TNKS: variants seen among roughly 807,000 people sequenced by gnomAD.
The protein encoded by TNKS is poly [ADP-ribose] polymerase tankyrase-1.
A neutral mutation model predicts 135.8 loss-of-function variants in TNKS; 72 were observed. The ratio of observed to expected loss-of-function variants is 0.53; its 90% CI spans 0.44 to 0.64. TNKS has a LOEUF of 0.64. Among genes scored for constraint, TNKS ranks in the 30% least tolerant of loss-of-function variants. The pLI is 0.00. For missense variants in TNKS, 1,769 were observed against 1,674.0 expected (o/e 1.06, Z -0.99); for synonymous variants, 849 against 649.3 (o/e 1.31, Z -4.68).
chr8:9,556,346 C>T lies in TNKS; in HGVS notation c.407C>T (p.Thr136Ile), dbSNP rs772167988. The T allele has an allele frequency of 2.5e-6, 4 of 1,614,148 alleles. No individual in the cohort carries two copies. The highest frequency in any genetic ancestry group is 1.7e-5 in the Admixed American group (1 of 60,010). ...NNSPSSSSSP[T>I]SSSSSSPSSP... ...TCACCGTCGTCCTCTTCTTCCCCGA[C>T]TTCTTCCTCATCTTCCTCTCCATCC... Residue 136 changes from threonine to isoleucine, a missense_variant, in exon 1 of 27, where the codon ACT (threonine) becomes ATT (isoleucine). Physicochemically the swap from Thr to Ile is moderately conservative, Grantham distance 89. Coordinates refer to ENST00000310430, the MANE Select transcript of TNKS (RefSeq NM_003747.3).
At chr8:9,677,499 A>G (rs542347636) in intron 3 of TNKS, among the ~76,000 whole-genome samples, 1 of 152,262 alleles carries the variant, frequency 6.6e-6, no homozygotes, top group Non-Finnish European at 1.5e-5. Context: ...TTAAATTTCA[A>G]TAGTAGCTAC....
Position 9,708,442 on chromosome 8 carries a change from G to A in TNKS, c.1528G>A (p.Ala510Thr), listed in dbSNP as rs998790285. The change falls in exon 9 of 27, where the codon GCT becomes ACT. Residue 510 changes from alanine (A) to threonine (T), a missense_variant. Transcript: ENST00000310430. The stretch of plus-strand genomic sequence containing the variant: ...CTTAGCTAAAGTTAAAAAAACACTC[G>A]CTCTGGAAATCATTAATTTCAAACA... ...ADLAKVKKTL[A>T]LEIINFKQPQ... 7.5e-6 allele frequency: 12 copies of A among 1,608,814 alleles called. No homozygotes were observed. Among genetic ancestry groups the A allele is most frequent in the African/African-American group, 2.7e-5 (2 of 74,750 alleles).
In TNKS at chr8:9,769,690, G is replaced by C. The variant is rs1277198811; in HGVS notation, c.3741-416G>C. On this transcript the variant is annotated intron_variant, in intron 25 of 26. Coordinates refer to ENST00000310430, the MANE Select transcript of TNKS (RefSeq NM_003747.3). ...CCTGGAGTGCAGTGGCGCGATCTCG[G>C]CTCACTGCAAGCTCCACCTCCCGTG... is the stretch of plus-strand genomic sequence containing the variant. Among the ~76,000 whole-genome samples the C allele has an allele frequency of 2.1e-5, 3 of 144,232 alleles. No homozygotes were observed. The Admixed American group carries it at 2.2e-4, about 10-fold the overall frequency. The allele number at this position is 144,232 out of a possible 152,430, so 94.6% of individuals were successfully genotyped here.
chr8:9,745,276 A>G (rs1806177929), intron 17 of TNKS, among the ~76,000 whole-genome samples: 1 of 152,248 alleles, frequency 6.6e-6, no homozygotes, highest in Admixed American at 6.5e-5. Flanking sequence ...AGAAAATTTA[A>G]AAATAATTAA....
intron 2 of TNKS, among the ~76,000 whole-genome samples, chr8:9,588,378 C>G (rs1798466875): frequency 6.6e-6 from 1 of 152,090 alleles, no homozygotes; most frequent in African/African-American, 2.4e-5. Context: ...AGGTTCACGC[C>G]ATGCTCTTGC....
chr8:9,650,090 C>T (rs1046811558), intron 3 of TNKS, among the ~76,000 whole-genome samples: 1 of 151,826 alleles, frequency 6.6e-6, no homozygotes, highest in African/African-American at 2.4e-5. Flanking sequence ...CAGGGTTTCA[C>T]CATGTTGCCC....
intron 26 of TNKS, among the ~76,000 whole-genome samples, chr8:9,776,063 A>G (rs1216798887): frequency 6.6e-6 from 1 of 151,930 alleles, no homozygotes; most frequent in Non-Finnish European, 1.5e-5. Context: ...CTGCAAGAAA[A>G]AAGAGAAAGA....
In TNKS at chr8:9,717,103, T is replaced by TATATATATATATTTA. The variant is rs1554476739; in HGVS notation, c.1750-3271_1750-3270insATATATATATATTTA. On this transcript the variant is annotated intron_variant, in intron 11 of 26. Transcript: ENST00000310430. The stretch of plus-strand genomic sequence containing the variant: ...TATATATATATATATATATATATAT[T>TATATATATATATTTA]TTCAGGGAATTTGATTGTTTCTTTT... Among the ~76,000 whole-genome samples the TATATATATATATTTA allele has an allele frequency of 3.4e-3, 132 of 39,272 alleles. 1 individual carries two copies. The highest frequency in any genetic ancestry group is 7.6e-3 in the South Asian group (9 of 1,190). 25.8% of individuals were successfully genotyped at this position (39,272 alleles called of 152,430 possible).
intron 2 of TNKS, among the ~76,000 whole-genome samples, chr8:9,587,892 C>G (rs1342347880): frequency 4.6e-5 from 7 of 152,128 alleles, no homozygotes; most frequent in Non-Finnish European, 1.0e-4. Context: ...TTGAGCATCT[C>G]CTGAAAAGAG....
At chr8:9,604,151 A>G (rs1585220024) in intron 2 of TNKS, among the ~76,000 whole-genome samples, 1 of 152,148 alleles carries the variant, frequency 6.6e-6, no homozygotes, top group Admixed American at 6.5e-5. Flanking sequence ...AGGATACTAT[A>G]TATGCATTAT....
At chr8:9,701,681 A>T (rs181937082) in intron 5 of TNKS, among the ~76,000 whole-genome samples, 17 of 152,204 alleles carry the variant, frequency 1.1e-4, no homozygotes, top group Non-Finnish European at 1.9e-4. Context: ...AGAGAGGGTA[A>T]CAACTCCAAC....
chr8:9,562,904 G>A (rs963141144), intron 1 of TNKS, among the ~76,000 whole-genome samples: 10 of 149,028 alleles, frequency 6.7e-5, no homozygotes, highest in Non-Finnish European at 1.3e-4. Flanking sequence ...CTTGGTGTTC[G>A]TTTCTCTAGA....
In TNKS at chr8:9,699,810, A is replaced by C. The variant is rs182965341; in HGVS notation, c.1108-4853A>C. Among the ~76,000 whole-genome samples the C allele has an allele frequency of 1.2e-3, 188 of 152,224 alleles. 1 individual carries two copies. The highest frequency in any genetic ancestry group is 2.7e-3 in the Admixed American group (42 of 15,282). ...AGCTTTATTCTCCACTTAGTAACTA[A>C]AGTGATCTTTCCAAGACTCTAATCT... On this transcript the variant is annotated intron_variant, in intron 5 of 26. Transcript: ENST00000310430.
chr8:9,595,407 C>T (rs541856007), intron 2 of TNKS, among the ~76,000 whole-genome samples: 98 of 152,118 alleles, frequency 6.4e-4, no homozygotes, highest in African/African-American at 2.1e-3. Context: ...AAATAATCTC[C>T]GCTGACACTG....
chr8:9,726,860 C>T, intron 13 of TNKS, 140 bp downstream of exon 13: 1 of 677,634 alleles, frequency 1.5e-6, no homozygotes, highest in Non-Finnish European at 2.5e-6. Context: ...ATCTGTACTA[C>T]TATTAAGGAA....
intron 3 of TNKS, among the ~76,000 whole-genome samples, chr8:9,624,980 A>G (rs530538856): frequency 8.5e-5 from 13 of 152,268 alleles, no homozygotes; most frequent in African/African-American, 3.1e-4. Context: ...GAATCCATAA[A>G]TGCAGAACCC....
In TNKS at chr8:9,730,977, G is replaced by T; in HGVS notation, c.2089G>T (p.Val697Leu). The change falls in exon 14 of 27, where the codon GTG becomes TTG. Residue 697 changes from valine (V) to leucine (L), a missense_variant. By Grantham distance (32) the Val-to-Leu change is conservative (BLOSUM62 1). Coordinates refer to ENST00000310430, the MANE Select transcript of TNKS (RefSeq NM_003747.3). Reference sequence around the variant, plus strand: ...ACACTTCGCAGCAGGCTACAACCGCGTGTCTGTTGTAGAGTACCTGCTACA... The same window carrying T: ...ACACTTCGCAGCAGGCTACAACCGCTTGTCTGTTGTAGAGTACCTGCTACA... Reference protein sequence around the residue: ...PLHFAAGYNRVSVVEYLLHHG... With the variant: ...PLHFAAGYNRLSVVEYLLHHG... 1.2e-6 allele frequency: 2 copies of T among 1,614,016 alleles called. No individual in the cohort carries two copies. Among genetic ancestry groups the T allele is most frequent in the South Asian group, 1.1e-5 (1 of 91,046 alleles).
At chr8:9,592,543 C>T (rs1236061637) in intron 2 of TNKS, among the ~76,000 whole-genome samples, 1 of 152,096 alleles carries the variant, frequency 6.6e-6, no homozygotes, top group Non-Finnish European at 1.5e-5. Flanking sequence ...CTAACACAGC[C>T]ACAGGATGAG....
At chr8:9,596,627 A>T (rs60163152) in intron 2 of TNKS, among the ~76,000 whole-genome samples, 1 of 152,294 alleles carries the variant, frequency 6.6e-6, no homozygotes, top group African/African-American at 2.4e-5. Context: ...AAGACTTACC[A>T]AGCATTCCCA....
Sources: allele counts gnomAD v4.1 joint callset (sites outside exome capture counted in the v4.1 genomes callset), GRCh38; gene constraint gnomAD v4.1.1; transcripts MANE v1.5; gene names NCBI Gene and HGNC (gene_info 2026-07-23, HGNC 2026-07-21).